Variants in COL10A1 observed in about 807,000 individuals in gnomAD.
The protein encoded by COL10A1 is collagen type X alpha 1 chain, also known as collagen alpha-1(X) chain.
A neutral mutation model predicts 18.2 loss-of-function variants in COL10A1; 10 were observed. The observed-to-expected ratio is 0.55, with a 90% CI of 0.34 to 0.93. COL10A1 has a LOEUF of 0.93. COL10A1 is among the 40% of genes least tolerant of loss of function. The probability of loss-of-function intolerance (pLI) is 0.02; values close to 1 mark genes in which losing one functional copy is unlikely to be tolerated. For missense variants in COL10A1, 897 were observed against 853.5 expected (o/e 1.05, Z -0.64); for synonymous variants, 330 against 316.6 (o/e 1.04, Z -0.45).
chr6:116,126,360 T>C (rs1453896553), upstream of COL10A1, among the ~76,000 whole-genome samples: 2 of 152,160 alleles, frequency 1.3e-5, no homozygotes, highest in African/African-American at 2.4e-5. Context: ...AGGACCGTCT[T>C]TGTCTGTGAT....
the COL10A1 span, among the ~76,000 whole-genome samples, chr6:116,210,438 G>A: frequency 6.6e-6 from 1 of 151,836 alleles, no homozygotes; most frequent in Admixed American, 6.6e-5. Flanking sequence ...TTGTAACTGG[G>A]CAGTATTGCA....
upstream of COL10A1, among the ~76,000 whole-genome samples, chr6:116,161,452 A>G (rs1048142811): frequency 5.9e-5 from 9 of 152,126 alleles, no homozygotes; most frequent in Non-Finnish European, 1.0e-4. Context: ...ATTCTTCTGT[A>G]TATAGATAGC....
chr6:116,137,992 C>T (rs935391587), intron 1 of COL10A1, among the ~76,000 whole-genome samples: 1 of 151,926 alleles, frequency 6.6e-6, no homozygotes, highest in African/African-American at 2.4e-5. Context: ...GCAGGAGAAT[C>T]GCTTGAACTT....
At chr6:116,165,958 A>G in the COL10A1 span, among the ~76,000 whole-genome samples, 1 of 152,114 alleles carries the variant, frequency 6.6e-6, no homozygotes, top group Admixed American at 6.5e-5. Flanking sequence ...GCTTGAGGGG[A>G]GTGAGGGGAT....
At chr6:116,124,095 A>G (rs186068784) in intron 2 of COL10A1, among the ~76,000 whole-genome samples, 1 of 152,220 alleles carries the variant, frequency 6.6e-6, no homozygotes, top group Non-Finnish European at 1.5e-5. Context: ...GAGACATTCA[A>G]AAGTATCTGT....
the COL10A1 span, among the ~76,000 whole-genome samples, chr6:116,176,367 C>T: frequency 6.6e-6 from 1 of 152,164 alleles, no homozygotes; most frequent in Non-Finnish European, 1.5e-5. Flanking sequence ...TTCTGTTGGG[C>T]CTGGAGGCAG....
the COL10A1 span, among the ~76,000 whole-genome samples, chr6:116,192,118 TAGAG>T: frequency 6.6e-6 from 1 of 152,026 alleles, no homozygotes; most frequent in African/African-American, 2.4e-5. Context: ...ATTAGGTGGT[TAGAG>T]AGAGTGGTAG....
At chr6:116,202,413 C>G in the COL10A1 span, among the ~76,000 whole-genome samples, 1 of 151,952 alleles carries the variant, frequency 6.6e-6, no homozygotes, top group African/African-American at 2.4e-5. Context: ...GAGTTTTGTT[C>G]GCCATACTCT....
At chr6:116,129,151 G>A (rs187216992), upstream of COL10A1, among the ~76,000 whole-genome samples, 7 of 151,904 alleles carry the variant, frequency 4.6e-5, no homozygotes, top group African/African-American at 9.7e-5. Flanking sequence ...TGTCATCATC[G>A]TATTAAAAAA....
Position 116,154,088 on chromosome 6 carries a change from A to G in COL10A1, c.-16+4526T>C, listed in dbSNP as rs80133222. Among the ~76,000 whole-genome samples the G allele has an allele frequency of 5.0e-3, 749 of 150,878 alleles. 6 individuals are homozygous for G. The highest frequency in any genetic ancestry group is 0.018 in the African/African-American group (729 of 41,000). The stretch of plus-strand genomic sequence containing the variant: ...GATGGGCTAATTGAAGTGATTGACC[A>G]AAGAGATGTTAAAACATGGCTCTCA... On this transcript the variant is annotated intron_variant, in intron 1 of 1. Coordinates refer to the COL10A1 transcript ENST00000418500.
upstream of COL10A1, among the ~76,000 whole-genome samples, chr6:116,163,725 C>G (rs1368505005): frequency 2.6e-5 from 4 of 152,014 alleles, no homozygotes; most frequent in Non-Finnish European, 5.9e-5. Context: ...AATTTGAGAT[C>G]TATCTTTTTG....
Position 116,120,217 on chromosome 6 carries a change from C to G in COL10A1, c.1899G>C (p.Leu633=). The change falls in exon 3 of 3, where the codon CTG becomes CTC. Residue 633 remains leucine (L), a synonymous_variant. Transcript: ENST00000651968. The part of the protein sequence containing the change: ...YTYDEYTKGY[L]DQASGSAIID... ...TGATGGCACTCCCTGAAGCCTGATC[C>G]AGGTAGCCTTTGGTGTATTCATCAT... 1 of 1,614,154 alleles carries G rather than the reference C, an allele frequency of 6.2e-7. No homozygotes were observed.
chr6:116,166,952 T>A, the COL10A1 span, among the ~76,000 whole-genome samples: 1 of 152,184 alleles, frequency 6.6e-6, no homozygotes, highest in Non-Finnish European at 1.5e-5. Context: ...TCCTTTCTTG[T>A]CTTTATTAAT....
intron 1 of COL10A1, among the ~76,000 whole-genome samples, chr6:116,135,834 G>GAT (rs199827970): frequency 0.077 from 7,798 of 101,278 alleles, 271 homozygotes; most frequent in East Asian, 0.12. Context: ...TATATTTTCA[G>GAT]ATATATATAT....
chr6:116,132,434 A>T (rs1281195263), intron 1 of COL10A1, among the ~76,000 whole-genome samples: 1 of 148,864 alleles, frequency 6.7e-6, no homozygotes, highest in Non-Finnish European at 1.5e-5. Flanking sequence ...GTTTTCACAT[A>T]TTTTTCCCAG....
intron 1 of COL10A1, chr6:116,137,520 T>G (rs1779641228): frequency 4.8e-6 from 1 of 210,084 alleles, no homozygotes; most frequent in Admixed American, 4.3e-5. Context: ...CTCCCTAATG[T>G]ATTTCACAGT....
chr6:116,161,776 A>G (rs1049235314), upstream of COL10A1, among the ~76,000 whole-genome samples: 1 of 151,768 alleles, frequency 6.6e-6, no homozygotes, highest in Admixed American at 6.5e-5. Context: ...TAACATTGGT[A>G]ATTTGATGGG....
the COL10A1 span, among the ~76,000 whole-genome samples, chr6:116,216,591 T>C: frequency 4.5e-4 from 68 of 152,078 alleles, no homozygotes; most frequent in African/African-American, 1.6e-3. Context: ...CCAAGTATTA[T>C]GTTTAGCATA....
the COL10A1 span, among the ~76,000 whole-genome samples, chr6:116,198,080 G>T: frequency 6.6e-6 from 1 of 152,012 alleles, no homozygotes; most frequent in African/African-American, 2.4e-5. Flanking sequence ...TTCCAAGAGA[G>T]ATCCTGGTAA....
Sources: allele counts gnomAD v4.1 joint callset (sites outside exome capture counted in the v4.1 genomes callset), GRCh38; gene constraint gnomAD v4.1.1; transcripts MANE v1.5; gene names NCBI Gene and HGNC (gene_info 2026-07-23, HGNC 2026-07-21).